SRRT: variants seen among roughly 807,000 people sequenced by gnomAD.
The protein encoded by SRRT is serrate, RNA effector molecule.
A neutral mutation model predicts 103.2 loss-of-function variants in SRRT; 32 were observed. That is an observed-to-expected ratio of 0.31 (90% CI 0.23 to 0.42). The LOEUF is 0.42. SRRT is among the 10% of genes least tolerant of loss of function. SRRT has a pLI of 1.00. For missense variants in SRRT, 986 were observed against 1,207.5 expected (o/e 0.82, Z 2.72); for synonymous variants, 525 against 449.0 (o/e 1.17, Z -2.14).
Position 100,888,368 on chromosome 7 carries a change from G to T in SRRT, c.2540G>T (p.Gly847Val), listed in dbSNP as rs150948431. Residue 847 changes from glycine to valine, a missense_variant, in exon 19 of 20, where the codon GGG (glycine) becomes GTG (valine). This residue lies in a region of SRRT where 178 missense variants were observed against 189.6 expected (regional missense o/e 0.94). Transcript: ENST00000611405. ...TTCCGAGGCCAGGGAGGTTATCCTG[G>T]GAAACCTCGCAACAGGTGAGGAGGG... Reference protein sequence around the residue: ...DAFRGQGGYPGKPRNRMVRGD... With the variant: ...DAFRGQGGYPVKPRNRMVRGD... The T allele has an allele frequency of 4.4e-5, 71 of 1,613,904 alleles. No individual in the cohort carries two copies. Among genetic ancestry groups the T allele is most frequent in the Non-Finnish European group, 5.8e-5 (69 of 1,179,870 alleles).
At chr7:100,876,954 G>T (rs1267138814) in intron 2 of SRRT, among the ~76,000 whole-genome samples, 3 of 152,114 alleles carry the variant, frequency 2.0e-5, no homozygotes, top group Non-Finnish European at 4.4e-5. Context: ...TTCTAGTTTG[G>T]TTAGAGTCCT....
intron 2 of SRRT, among the ~76,000 whole-genome samples, chr7:100,879,463 A>G (rs1816074986): frequency 6.6e-6 from 1 of 152,166 alleles, no homozygotes; most frequent in African/African-American, 2.4e-5. Flanking sequence ...GCTATCCTCT[A>G]CAAAGCCAGA....
At position 100,887,547 on chromosome 7, in the gene SRRT, G is replaced by C. The variant is rs566212256; in HGVS notation, c.2169+34G>C. 1.2e-6 allele frequency: 2 copies of C among 1,606,006 alleles called. No homozygotes were observed. Among genetic ancestry groups the C allele is most frequent in the South Asian group, 2.2e-5 (2 of 90,156 alleles). ...TGTTGGAGAATGGCCGTGCTACGGT[G>C]GTGGGAGGTGGGGTTGAGACAGGAA... On this transcript the variant is annotated intron_variant, in intron 16 of 19. Transcript: ENST00000611405. The surrounding 1 kb of genome is among the most constrained non-coding windows in gnomAD (Gnocchi z 4.1).
rs1584753678 is a variant in SRRT at position 100,885,645 on chromosome 7, G to A, written c.1318-56G>A. 6.5e-7 allele frequency: 1 copy of A among 1,538,204 alleles called. No individual in the cohort carries two copies. Among genetic ancestry groups the A allele is most frequent in the East Asian group, 2.4e-5 (1 of 41,758 alleles). On this transcript the variant is annotated intron_variant, in intron 10 of 19. Transcript: ENST00000611405. This position sits in a 1 kb window ranked among gnomAD's most constrained non-coding sequence, Gnocchi z 4.8. The stretch of plus-strand genomic sequence containing the variant: ...GTTCTGAGGGCAGTGGGGGATTGGA[G>A]GAAGAAGCGAATGAATCCTTGAGTC...
chr7:100,879,934 C>T (rs1365006275), intron 2 of SRRT, among the ~76,000 whole-genome samples: 1 of 152,120 alleles, frequency 6.6e-6, no homozygotes, highest in Admixed American at 6.5e-5. Flanking sequence ...GCCAGGAGCC[C>T]AAGTTAAAAC....
intron 2 of SRRT, among the ~76,000 whole-genome samples, chr7:100,878,598 A>G (rs995214168): frequency 8.5e-5 from 13 of 152,252 alleles, no homozygotes; most frequent in African/African-American, 2.9e-4. Context: ...AAAGAAAAAA[A>G]AGAACCTACC....
At position 100,882,352 on chromosome 7, in the gene SRRT, G is replaced by T; in HGVS notation, c.587+111G>T. 8.0e-7 allele frequency: 1 copy of T among 1,255,344 alleles called. No homozygotes were observed. The highest frequency in any genetic ancestry group is 1.1e-6 in the Non-Finnish European group (1 of 911,956). 77.8% of individuals were successfully genotyped at this position (1,255,344 alleles called of 1,614,324 possible). A position where few individuals can be genotyped will look rare whatever the true frequency, so the allele number is the denominator to read the frequency against. The stretch of plus-strand genomic sequence containing the variant: ...TTTTCCCTGTCCAGAACTTTCTGGG[G>T]GCGGGGGTCGGGAAGTATGACAGCA... On this transcript the variant is annotated intron_variant, in intron 5 of 19. Transcript: ENST00000611405. This position sits in a 1 kb window ranked among gnomAD's most constrained non-coding sequence, Gnocchi z 4.2.
rs969803481 is a variant in SRRT at position 100,882,468 on chromosome 7, A to C, written c.587+227A>C. The C allele has an allele frequency of 2.1e-6, 1 of 477,260 alleles. No individual in the cohort carries two copies. The highest frequency in any genetic ancestry group is 3.7e-6 in the Non-Finnish European group (1 of 267,784). 29.6% of individuals were successfully genotyped at this position (477,260 alleles called of 1,614,324 possible). On this transcript the variant is annotated intron_variant, in intron 5 of 19. Coordinates refer to ENST00000611405, the MANE Select transcript of SRRT (RefSeq NM_015908.6). The surrounding 1 kb of genome is among the most constrained non-coding windows in gnomAD (Gnocchi z 4.2). The stretch of plus-strand genomic sequence containing the variant: ...TCCTGCTGTCCTCAGAGAGTGGGAC[A>C]CCTCCAGGCAGCAGGCCAGAGCCAC...
chr7:100,877,917 TG>T, intron 2 of SRRT, among the ~76,000 whole-genome samples: 1 of 152,204 alleles, frequency 6.6e-6, no homozygotes. Flanking sequence ...TGTTCATACT[TG>T]GGTATTTGGC....
In SRRT at chr7:100,885,297, G is replaced by A. The variant is rs150582291; in HGVS notation, c.1244G>A (p.Arg415Gln). ...KDAAGLECKP[R>Q]PLHKTCSLFM... ...GCCGCGGGGCTGGAGTGCAAGCCGCGGCCGCTGCATAAGACCTGCTCCCTC... is the reference window on the plus strand; with the variant it reads ...GCCGCGGGGCTGGAGTGCAAGCCGCAGCCGCTGCATAAGACCTGCTCCCTC... The change falls in exon 10 of 20, where the codon CGG becomes CAG. Residue 415 changes from arginine (R) to glutamine (Q), a missense_variant. Arg to Gln is a conservative substitution (Grantham distance 43). Transcript: ENST00000611405. The surrounding 1 kb of genome is among the most constrained non-coding windows in gnomAD (Gnocchi z 4.8). The A allele has an allele frequency of 2.4e-5, 39 of 1,614,166 alleles. No homozygotes were observed. The highest frequency in any genetic ancestry group is 2.0e-4 in the African/African-American group (15 of 75,048).
At position 100,882,500 on chromosome 7, in the gene SRRT, C is replaced by A; in HGVS notation, c.587+259C>A. 2.5e-6 allele frequency: 1 copy of A among 392,794 alleles called. No homozygotes were observed. The allele number at this position is 392,794 out of a possible 1,614,324, so 24.3% of individuals were successfully genotyped here. A position where few individuals can be genotyped will look rare whatever the true frequency, so the allele number is the denominator to read the frequency against. On this transcript the variant is annotated intron_variant, in intron 5 of 19. Transcript: ENST00000611405. This position sits in a 1 kb window ranked among gnomAD's most constrained non-coding sequence, Gnocchi z 4.2. ...GGCAGCAGGCCAGAGCCACTTGGCC[C>A]CTTGGGGCAGCAGACAGACTGCTTC... is the stretch of plus-strand genomic sequence containing the variant.
intron 2 of SRRT, chr7:100,880,774 G>T: frequency 2.5e-6 from 1 of 393,754 alleles, no homozygotes; most frequent in South Asian, 1.8e-5. Context: ...CTGCCCGTAA[G>T]TGGGCCTGTA....
rs752339360 is a variant in SRRT at position 100,886,789 on chromosome 7, C to T, written c.1648-6C>T. The T allele has an allele frequency of 1.4e-5, 23 of 1,614,054 alleles. No homozygotes were observed. The South Asian group carries it at 1.5e-4, about 11-fold the overall frequency. ...CTGCCTTACTTGCTTCTCTTCCTCC[C>T]ATCAGAGCCTGCCCTCGCAAAACCC... On this transcript the variant is annotated splice_polypyrimidine_tract_variant and splice_region_variant and intron_variant, in intron 13 of 19. Coordinates refer to ENST00000611405, the MANE Select transcript of SRRT (RefSeq NM_015908.6).
Position 100,888,308 on chromosome 7 carries a change from C to G in SRRT, c.2480C>G (p.Ala827Gly). Reference sequence around the variant, plus strand: ...ACAGGAGGCCCTCCATACCCCCATGCCCCGTATGGTGCTGGTCGAGGGAAC... The same window carrying G: ...ACAGGAGGCCCTCCATACCCCCATGGCCCGTATGGTGCTGGTCGAGGGAAC... ...VPTGGPPYPH[A>G]PYGAGRGNYD... is the part of the protein sequence containing the mutation. The change falls in exon 19 of 20, where the codon GCC (alanine) becomes GGC (glycine). Residue 827 changes from alanine to glycine, a missense_variant. Ala to Gly is a moderately conservative substitution (Grantham distance 60). Coordinates refer to ENST00000611405, the MANE Select transcript of SRRT (RefSeq NM_015908.6). The G allele has an allele frequency of 1.2e-6, 2 of 1,614,070 alleles. No homozygotes were observed. Among genetic ancestry groups the G allele is most frequent in the Non-Finnish European group, 1.7e-6 (2 of 1,179,922 alleles).
In SRRT at chr7:100,885,858, T is replaced by C. The variant is rs765701620; in HGVS notation, c.1380-5T>C. 3.5e-5 allele frequency: 57 copies of C among 1,614,010 alleles called. No individual in the cohort carries two copies. Among genetic ancestry groups the C allele is most frequent in the Non-Finnish European group, 4.7e-5 (55 of 1,180,030 alleles). On this transcript the variant is annotated splice_region_variant and splice_polypyrimidine_tract_variant and intron_variant, in intron 11 of 19. Transcript: ENST00000611405. This position sits in a 1 kb window ranked among gnomAD's most constrained non-coding sequence, Gnocchi z 4.8. ...GACTATGCTAACATTTTCTTTCTTG[T>C]GTAGGTTTTTCCGTCGTGGCTGGGT...
intron 2 of SRRT, among the ~76,000 whole-genome samples, chr7:100,878,787 A>ACTT (rs1348239721): frequency 6.6e-6 from 1 of 151,554 alleles, no homozygotes; most frequent in Non-Finnish European, 1.5e-5. Flanking sequence ...TGCAGCCTTG[A>ACTT]CTTCCCCAGG....
In SRRT at chr7:100,881,239, C is replaced by CCACT. The variant is rs769812937; in HGVS notation, c.123-45_123-42dup. On this transcript the variant is annotated intron_variant, in intron 2 of 19. Coordinates refer to ENST00000611405, the MANE Select transcript of SRRT (RefSeq NM_015908.6). ...AAAGTGCTTGGATTACAGGCATGAG[C>CCACT]CACTGTGCCTGGCCTTTAATCTTTG... 3.2e-6 allele frequency: 5 copies of CCACT among 1,582,826 alleles called. No individual in the cohort carries two copies. The African/African-American group carries it at 6.7e-5, about 21-fold the overall frequency.
chr7:100,888,066 G>A lies in SRRT; in HGVS notation c.2351G>A (p.Gly784Glu). The A allele has an allele frequency of 6.4e-7, 1 of 1,567,762 alleles. No homozygotes were observed. Among genetic ancestry groups the A allele is most frequent in the Non-Finnish European group, 8.6e-7 (1 of 1,161,030 alleles). The change falls in exon 18 of 20, where the codon GGA (glycine) becomes GAA (glutamate). Residue 784 changes from glycine to glutamate, a missense_variant. Gly to Glu is a moderately conservative substitution (Grantham distance 98, BLOSUM62 -2). Around this residue, in one of 6 missense-constraint regions of SRRT, gnomAD observed 178 missense variants for 189.6 expected, o/e 0.94. Coordinates refer to ENST00000611405, the MANE Select transcript of SRRT (RefSeq NM_015908.6). Reference sequence around the variant, plus strand: ...GTACTCCCCCCAGGTTTGACCCCAGGACTCCCCTACCCACACCAGACTCCC... The same window carrying A: ...GTACTCCCCCCAGGTTTGACCCCAGAACTCCCCTACCCACACCAGACTCCC... ...AQILPPGLTPGLPYPHQTPQG... is the reference protein window; with the variant it reads ...AQILPPGLTPELPYPHQTPQG...
chr7:100,883,320 C>T (rs1057030228), intron 5 of SRRT, among the ~76,000 whole-genome samples: 8 of 152,102 alleles, frequency 5.3e-5, no homozygotes, highest in Non-Finnish European at 2.9e-5. Flanking sequence ...CCTTTGTTTT[C>T]GGTTTCTGGG....
Sources: allele counts gnomAD v4.1 joint callset (sites outside exome capture counted in the v4.1 genomes callset), GRCh38; gene constraint gnomAD v4.1.1; regional missense constraint gnomAD v4.1.1; non-coding constraint Gnocchi (gnomAD v3.1); transcripts MANE v1.5; gene names NCBI Gene and HGNC (gene_info 2026-07-23, HGNC 2026-07-21).